Variants in FAM174B observed in about 807,000 individuals in gnomAD.
FAM174B encodes the protein family with sequence similarity 174 member B, also known as membrane protein FAM174B.
Under a neutral mutation model 10.9 loss-of-function variants are expected in FAM174B, and 12 were observed. The ratio of observed to expected loss-of-function variants is 1.10; its 90% CI spans 0.71 to 1.79. The LOEUF (loss-of-function observed/expected upper bound fraction) is 1.79. FAM174B is among the 40% of genes most tolerant of loss of function. The pLI is 0.00. For synonymous variants in FAM174B, 132 were observed against 115.8 expected (o/e 1.14, Z -0.90); for missense variants, 266 against 233.3 (o/e 1.14, Z -0.91).
chr15:92,645,292 T>C (rs1394818009), intron 1 of FAM174B, among the ~76,000 whole-genome samples: 1 of 152,236 alleles, frequency 6.6e-6, no homozygotes, highest in Non-Finnish European at 1.5e-5. Context: ...GTTAGCACTG[T>C]TGGTTGACCC....
At chr15:92,648,702 A>G (rs2050945081) in intron 1 of FAM174B, among the ~76,000 whole-genome samples, 4 of 152,158 alleles carry the variant, frequency 2.6e-5, no homozygotes, top group Admixed American at 6.5e-5. Context: ...CCTGAGAGGG[A>G]GGGGTCTAGA....
intron 1 of FAM174B, among the ~76,000 whole-genome samples, chr15:92,635,377 C>T (rs536274573): frequency 6.6e-6 from 1 of 152,204 alleles, no homozygotes; most frequent in East Asian, 1.9e-4. Context: ...GTTTCCACTG[C>T]TGGGTGTGTT....
chr15:92,619,366 A>C lies in FAM174B; in HGVS notation c.*90T>G. The C allele has an allele frequency of 6.6e-7, 1 of 1,520,162 alleles. No individual in the cohort carries two copies. The highest frequency in any genetic ancestry group is 1.1e-5 in the South Asian group (1 of 88,464). The allele number at this position is 1,520,162 out of a possible 1,614,324, so 94.2% of individuals were successfully genotyped here. ...GTTCGTTTTGGTTTCAACACCTCCG[A>C]CGCAAGAGGGCTTCCAGGTCCAGTC... On this transcript the variant is annotated 3_prime_UTR_variant, in exon 3 of 3. Coordinates refer to ENST00000327355, the MANE Select transcript of FAM174B (RefSeq NM_207446.3).
intron 1 of FAM174B, among the ~76,000 whole-genome samples, chr15:92,630,944 A>G (rs1201832998): frequency 2.4e-3 from 40 of 16,650 alleles, no homozygotes; most frequent in South Asian, 6.3e-3. Flanking sequence ...TACATATTAT[A>G]TATTATATAT....
At chr15:92,635,197 A>C (rs193165182) in intron 1 of FAM174B, among the ~76,000 whole-genome samples, 2,435 of 147,020 alleles carry the variant, frequency 0.017, 26 homozygotes, top group Non-Finnish European at 0.024. Flanking sequence ...ACACACACAC[A>C]CCCTATTGAT....
chr15:92,630,457 T>C, intron 1 of FAM174B, 112 bp from the exon 2 acceptor site: 1 of 1,019,620 alleles, frequency 9.8e-7, no homozygotes, highest in Non-Finnish European at 1.4e-6. Flanking sequence ...TAGTCAGGTT[T>C]CCTTCCTCTG....
chr15:92,619,001 G>A lies in FAM174B; in HGVS notation c.*455C>T. ...CAAAAAAGCAGCAAAGGATCAGATGGGGTCCAATGTGTAGATCCAGTAGAG... is the reference window on the plus strand; with the variant it reads ...CAAAAAAGCAGCAAAGGATCAGATGAGGTCCAATGTGTAGATCCAGTAGAG... On this transcript the variant is annotated 3_prime_UTR_variant, in exon 3 of 3. Coordinates refer to ENST00000327355, the MANE Select transcript of FAM174B (RefSeq NM_207446.3). The A allele has an allele frequency of 1.7e-6, 1 of 597,636 alleles. No homozygotes were observed. Among genetic ancestry groups the A allele is most frequent in the South Asian group, 2.0e-5 (1 of 48,842 alleles). 37.0% of individuals were successfully genotyped at this position (597,636 alleles called of 1,614,324 possible). A position where few individuals can be genotyped will look rare whatever the true frequency, so the allele number is the denominator to read the frequency against.
rs1484911333 is a variant in FAM174B, at chr15:92,631,434, T to TATATAATATATA, written c.345-1090_345-1089insTATATATTATAT. On this transcript the variant is annotated intron_variant, in intron 1 of 2. Transcript: ENST00000327355. ...ATATAATATATAATATATAATATAA[T>TATATAATATATA]ATATTATATATATAACATAATATAT... 3.9e-4 allele frequency among the ~76,000 whole-genome samples: 14 copies of TATATAATATATA among 35,758 alleles called. 1 individual carries two copies. Among genetic ancestry groups the TATATAATATATA allele is most frequent in the Non-Finnish European group, 5.4e-4 (12 of 22,272 alleles). The allele number at this position is 35,758 out of a possible 152,430, so 23.5% of individuals were successfully genotyped here. A position where few individuals can be genotyped will look rare whatever the true frequency, so the allele number is the denominator to read the frequency against.
chr15:92,650,472 G>C (rs568477399), intron 1 of FAM174B, among the ~76,000 whole-genome samples: 4 of 152,190 alleles, frequency 2.6e-5, no homozygotes, highest in Non-Finnish European at 5.9e-5. Flanking sequence ...CAGACATCTA[G>C]AGAACTGGAG....
chr15:92,624,503 C>T (rs1404707888), intron 2 of FAM174B, among the ~76,000 whole-genome samples: 4 of 152,320 alleles, frequency 2.6e-5, no homozygotes, highest in South Asian at 2.1e-4. Context: ...TCAGAGCTCC[C>T]GGGTAGCAAG....
chr15:92,655,378 G>A lies in FAM174B; in HGVS notation c.282C>T (p.Ala94=), dbSNP rs2050995840. 3.1e-6 allele frequency: 5 copies of A among 1,592,774 alleles called. No homozygotes were observed. In the South Asian group the frequency reaches 5.6e-5, roughly 18 times the overall value. ...TGGTAAAGGCGAACGCCACGATCAC[G>A]GCTGCCTTGAGGGTGGGTAGGTCGC... The part of the protein sequence containing the change: ...LLRDLPTLKA[A]VIVAFAFTTL... Residue 94 remains alanine, a synonymous_variant, in exon 1 of 3, where the codon GCC becomes GCT. Transcript: ENST00000327355.
chr15:92,637,802 T>A (rs935184807), intron 1 of FAM174B, among the ~76,000 whole-genome samples: 1 of 151,326 alleles, frequency 6.6e-6, no homozygotes, highest in Non-Finnish European at 1.5e-5. Context: ...GAAGCTGAAA[T>A]CCCCTGGGTC....
At position 92,635,772 on chromosome 15, in the gene FAM174B, G is replaced by T. The variant is rs151205174; in HGVS notation, c.345-5427C>A. On this transcript the variant is annotated intron_variant, in intron 1 of 2. Transcript: ENST00000327355. ...ATTTTTGGATTTTTAGTAGAGATGG[G>T]TTTTCGCTATGTAGGCCAAACTAGT... Among the ~76,000 whole-genome samples, 962 of 152,022 alleles carry T rather than the reference G, an allele frequency of 6.3e-3. 31 individuals are homozygous for T. The highest frequency in any genetic ancestry group is 0.051 in the Admixed American group (780 of 15,258).
At chr15:92,651,331 CAAG>C (rs1385707856) in intron 1 of FAM174B, among the ~76,000 whole-genome samples, 1 of 152,124 alleles carries the variant, frequency 6.6e-6, no homozygotes. Flanking sequence ...AAGACACATC[CAAG>C]AATGCGGCCA....
At position 92,617,702 on chromosome 15, in the gene FAM174B, G is replaced by T. The variant is rs557653767; in HGVS notation, c.*1754C>A. 10 of 680,190 alleles carry T rather than the reference G, an allele frequency of 1.5e-5. No homozygotes were observed. The African/African-American group carries it at 1.6e-4, about 11-fold the overall frequency. 42.1% of individuals were successfully genotyped at this position (680,190 alleles called of 1,614,324 possible). A position where few individuals can be genotyped will look rare whatever the true frequency, so the allele number is the denominator to read the frequency against. On this transcript the variant is annotated 3_prime_UTR_variant, in exon 3 of 3. Transcript: ENST00000327355. Reference sequence around the variant, plus strand: ...GGGCGAACAGCTGCGAGGTGGCCAGGCTCCCGTGAGTCACCACTCAGGCCT... The same window carrying T: ...GGGCGAACAGCTGCGAGGTGGCCAGTCTCCCGTGAGTCACCACTCAGGCCT...
intron 2 of FAM174B, among the ~76,000 whole-genome samples, chr15:92,628,246 C>A (rs1177675663): frequency 2.0e-5 from 3 of 151,386 alleles, no homozygotes; most frequent in Admixed American, 1.3e-4. Flanking sequence ...CTCACTGCAG[C>A]CTTGATCTCC....
chr15:92,631,357 ATATATTATATT>A (rs2050810853), intron 1 of FAM174B, among the ~76,000 whole-genome samples: 2 of 23,094 alleles, frequency 8.7e-5, no homozygotes, highest in African/African-American at 5.5e-4. Context: ...ATAATATATT[ATATATTATATT>A]ATATATAATA....
At chr15:92,631,873 C>G (rs116344514) in intron 1 of FAM174B, among the ~76,000 whole-genome samples, 1 of 152,110 alleles carries the variant, frequency 6.6e-6, no homozygotes, top group African/African-American at 2.4e-5. Flanking sequence ...CAATGAGGAC[C>G]GGGTTTGTCA....
chr15:92,649,164 C>T (rs1030592953), intron 1 of FAM174B, among the ~76,000 whole-genome samples: 1 of 152,250 alleles, frequency 6.6e-6, no homozygotes, highest in Non-Finnish European at 1.5e-5. Flanking sequence ...ACAAAGCCTA[C>T]ATGGGCATGA....
Sources: allele counts gnomAD v4.1 joint callset (sites outside exome capture counted in the v4.1 genomes callset), GRCh38; gene constraint gnomAD v4.1.1; transcripts MANE v1.5; gene names NCBI Gene and HGNC (gene_info 2026-07-23, HGNC 2026-07-21).